Variants in CPSF2 observed in about 807,000 individuals in gnomAD.
CPSF2 encodes the protein cleavage and polyadenylation specificity factor subunit 2.
CPSF2 carries 51 observed loss-of-function variants against 84.2 expected under a neutral mutation model. That is an observed-to-expected ratio of 0.61 (90% confidence interval 0.48 to 0.77). The LOEUF (loss-of-function observed/expected upper bound fraction) is 0.77. Among genes scored for constraint, CPSF2 ranks in the 30% least tolerant of loss-of-function variants. CPSF2 has a pLI of 0.00. For synonymous variants in CPSF2, 286 were observed against 311.9 expected (o/e 0.92, Z 0.87); for missense variants, 641 against 929.4 (o/e 0.69, Z 4.03).
rs2069336235 is a variant in CPSF2 at position 92,159,270 on chromosome 14, G to A, written c.2109G>A (p.Leu703=). ...ESEIIPTLEP[L]PPHEVPGHQS... ...AGATCATTCCTACTTTGGAACCCTT[G>A]CCACCTCATGAGGTAAAAAAAGCAT... Residue 703 remains leucine (L), a synonymous_variant, in exon 14 of 16, where the codon TTG becomes TTA. Coordinates refer to ENST00000298875, the MANE Select transcript of CPSF2 (RefSeq NM_017437.3). The A allele has an allele frequency of 1.9e-6, 3 of 1,594,096 alleles. No individual in the cohort carries two copies. In the African/African-American group the frequency reaches 4.1e-5, roughly 22 times the overall value.
At chr14:92,147,310 A>G (rs910420067) in intron 9 of CPSF2, among the ~76,000 whole-genome samples, 1 of 152,234 alleles carries the variant, frequency 6.6e-6, no homozygotes, top group African/African-American at 2.4e-5. Context: ...ATGCCCTTCT[A>G]AGTCAAGTCT....
At chr14:92,137,826 A>G (rs1230131062) in intron 6 of CPSF2, among the ~76,000 whole-genome samples, 1 of 152,196 alleles carries the variant, frequency 6.6e-6, no homozygotes, top group African/African-American at 2.4e-5. Flanking sequence ...TTTAGAAAAA[A>G]ATTTTTATGT....
intron 3 of CPSF2, among the ~76,000 whole-genome samples, chr14:92,132,883 G>C (rs2068950938): frequency 6.6e-6 from 1 of 152,056 alleles, no homozygotes; most frequent in South Asian, 2.1e-4. Context: ...CTGAGGTCAG[G>C]AGTTTAAGAC....
Position 92,122,027 on chromosome 14 carries a change from C to G in CPSF2, c.-195C>G. ...TGTGGGGCTTCTGCCGGCCGGTAGT[C>G]CCTGGCGCTGCTGACCCAGCATCGG... On this transcript the variant is annotated 5_prime_UTR_variant, in exon 1 of 16. Coordinates refer to ENST00000298875, the MANE Select transcript of CPSF2 (RefSeq NM_017437.3). The G allele has an allele frequency of 5.0e-6, 3 of 601,444 alleles. No individual in the cohort carries two copies. The highest frequency in any genetic ancestry group is 8.8e-6 in the Non-Finnish European group (3 of 341,944). The allele number at this position is 601,444 out of a possible 1,614,324, so 37.3% of individuals were successfully genotyped here. A position where few individuals can be genotyped will look rare whatever the true frequency, so the allele number is the denominator to read the frequency against.
In CPSF2 at chr14:92,167,208, C is replaced by A. The variant is rs2141492237; in HGVS notation, c.*5464C>A. The A allele has an allele frequency of 6.6e-6, 1 of 151,890 alleles. No homozygotes were observed. Among genetic ancestry groups the A allele is most frequent in the Admixed American group, 6.6e-5 (1 of 15,246 alleles). 9.4% of individuals were successfully genotyped at this position (151,890 alleles called of 1,614,324 possible). A position where few individuals can be genotyped will look rare whatever the true frequency, so the allele number is the denominator to read the frequency against. ...TGTATTTTTAATAGAGATGAGGTTT[C>A]ATCATGCTGACCAGGCTGGTCTCGA... On this transcript the variant is annotated 3_prime_UTR_variant, in exon 16 of 16. Transcript: ENST00000298875.
rs1386859329 is a variant in CPSF2, at chr14:92,163,119, G to T, written c.*1375G>T. The T allele has an allele frequency of 6.6e-6, 1 of 152,114 alleles. No individual in the cohort carries two copies. The highest frequency in any genetic ancestry group is 1.9e-4 in the East Asian group (1 of 5,188). The allele number at this position is 152,114 out of a possible 1,614,324, so 9.4% of individuals were successfully genotyped here. A position where few individuals can be genotyped will look rare whatever the true frequency, so the allele number is the denominator to read the frequency against. Reference sequence around the variant, plus strand: ...GGGTTTCACCATGTTGGCCAGGCTGGTCTCAAACTCCTGACCTCAAGCGAT... The same window carrying T: ...GGGTTTCACCATGTTGGCCAGGCTGTTCTCAAACTCCTGACCTCAAGCGAT... On this transcript the variant is annotated 3_prime_UTR_variant, in exon 16 of 16. Coordinates refer to ENST00000298875, the MANE Select transcript of CPSF2 (RefSeq NM_017437.3).
chr14:92,159,406 ACC>A, intron 14 of CPSF2, 124 bp downstream of exon 14: 1 of 725,106 alleles, frequency 1.4e-6, no homozygotes, highest in Non-Finnish European at 2.3e-6. Context: ...TATATTTTTA[ACC>A]ATTTAAAATA....
chr14:92,157,591 C>T lies in CPSF2; in HGVS notation c.1596-68C>T, dbSNP rs1399705655. ...AAATCCTAGTGTTATATATTGTATA[C>T]ATGATAAAAGCCATTTTTTTTTAGA... On this transcript the variant is annotated intron_variant, in intron 12 of 15. Transcript: ENST00000298875. The surrounding 1 kb of genome is among the most constrained non-coding windows in gnomAD (Gnocchi z 4.0). 9 of 1,032,818 alleles carry T rather than the reference C, an allele frequency of 8.7e-6. No homozygotes were observed. The highest frequency in any genetic ancestry group is 1.3e-5 in the Non-Finnish European group (9 of 685,826). The allele number at this position is 1,032,818 out of a possible 1,614,324, so 64.0% of individuals were successfully genotyped here.
rs765533345 is a variant in CPSF2 at position 92,161,844 on chromosome 14, G to A, written c.*100G>A. ...TGTTTTGTTTTGTAACATACAAAAA[G>A]AATCTGCCAGAAAAACTTACATGTA... On this transcript the variant is annotated 3_prime_UTR_variant, in exon 16 of 16. Coordinates refer to ENST00000298875, the MANE Select transcript of CPSF2 (RefSeq NM_017437.3). 1 of 668,174 alleles carries A rather than the reference G, an allele frequency of 1.5e-6. No individual in the cohort carries two copies. The highest frequency in any genetic ancestry group is 2.0e-5 in the South Asian group (1 of 49,900). The allele number at this position is 668,174 out of a possible 1,614,324, so 41.4% of individuals were successfully genotyped here. A position where few individuals can be genotyped will look rare whatever the true frequency, so the allele number is the denominator to read the frequency against.
intron 9 of CPSF2, among the ~76,000 whole-genome samples, chr14:92,143,536 C>T (rs567479744): frequency 1.3e-5 from 2 of 150,400 alleles, no homozygotes; most frequent in African/African-American, 4.9e-5. Context: ...GACCCACCCC[C>T]CATCTCTTAA....
At chr14:92,138,947 G>C (rs1452144028) in intron 7 of CPSF2, among the ~76,000 whole-genome samples, 2 of 152,156 alleles carry the variant, frequency 1.3e-5, no homozygotes, top group Non-Finnish European at 2.9e-5. Context: ...AATATTATGT[G>C]ACCATCAGTT....
At chr14:92,149,724 C>T (rs759536943) in intron 9 of CPSF2, among the ~76,000 whole-genome samples, 3 of 151,932 alleles carry the variant, frequency 2.0e-5, no homozygotes, top group African/African-American at 7.3e-5. Context: ...GGTACGATCT[C>T]GGCTCACTGC....
intron 7 of CPSF2, among the ~76,000 whole-genome samples, chr14:92,141,383 G>A: frequency 6.6e-6 from 1 of 152,132 alleles, no homozygotes; most frequent in East Asian, 1.9e-4. Flanking sequence ...ACATGCTGGA[G>A]TGTAGTGGCA....
chr14:92,131,697 G>T (rs1214051682), intron 3 of CPSF2, among the ~76,000 whole-genome samples: 1 of 151,946 alleles, frequency 6.6e-6, no homozygotes, highest in Non-Finnish European at 1.5e-5. Context: ...AAATTAGCCG[G>T]GTGTGATGGT....
In CPSF2 at chr14:92,122,395, C is replaced by T. The variant is rs749303501; in HGVS notation, c.-94+267C>T. On this transcript the variant is annotated intron_variant, in intron 1 of 15. Transcript: ENST00000298875. ...ATCTTCTTCCCTCCTTTCTGCTTCCCTCTGCTTCCCCTTTCATCTCTTGGC... is the reference window on the plus strand; with the variant it reads ...ATCTTCTTCCCTCCTTTCTGCTTCCTTCTGCTTCCCCTTTCATCTCTTGGC... 3.7e-5 allele frequency: 6 copies of T among 160,160 alleles called. No homozygotes were observed. In the South Asian group the frequency reaches 6.3e-4, roughly 17 times the overall value. 9.9% of individuals were successfully genotyped at this position (160,160 alleles called of 1,614,324 possible).
intron 7 of CPSF2, among the ~76,000 whole-genome samples, chr14:92,139,713 AT>A (rs2069049763): frequency 1.3e-5 from 2 of 150,058 alleles, no homozygotes; most frequent in Admixed American, 1.3e-4. Context: ...TAATTTTTAT[AT>A]TTTTAGTGGA....
rs2068773913 is a variant in CPSF2 at position 92,122,015 on chromosome 14, C to A, written c.-207C>A. 5 of 622,268 alleles carry A rather than the reference C, an allele frequency of 8.0e-6. No individual in the cohort carries two copies. The highest frequency in any genetic ancestry group is 1.4e-5 in the Non-Finnish European group (5 of 356,748). The allele number at this position is 622,268 out of a possible 1,614,324, so 38.5% of individuals were successfully genotyped here. A position where few individuals can be genotyped will look rare whatever the true frequency, so the allele number is the denominator to read the frequency against. On this transcript the variant is annotated 5_prime_UTR_variant, in exon 1 of 16. Coordinates refer to ENST00000298875, the MANE Select transcript of CPSF2 (RefSeq NM_017437.3). ...GGCGGCTGCCACTGTGGGGCTTCTG[C>A]CGGCCGGTAGTCCCTGGCGCTGCTG...
rs868390539 is a variant in CPSF2, at chr14:92,164,795, A to G, written c.*3051A>G. 1 of 152,224 alleles carries G rather than the reference A, an allele frequency of 6.6e-6. No individual in the cohort carries two copies. The highest frequency in any genetic ancestry group is 1.5e-5 in the Non-Finnish European group (1 of 68,036). 9.4% of individuals were successfully genotyped at this position (152,224 alleles called of 1,614,324 possible). The stretch of plus-strand genomic sequence containing the variant: ...AATTGAGATTCAACTTACATACCAT[A>G]AAGTTCACTCTTCTAAAGTGTACAA... On this transcript the variant is annotated 3_prime_UTR_variant, in exon 16 of 16. Transcript: ENST00000298875.
intron 11 of CPSF2, 26 bp downstream of exon 11, chr14:92,155,349 C>A: frequency 6.4e-7 from 1 of 1,563,136 alleles, no homozygotes; most frequent in South Asian, 1.1e-5. Context: ...AAACTTTTCT[C>A]TCTTACAAAT....
Sources: gnomAD v4.1 joint callset for allele counts (sites outside exome capture counted in the v4.1 genomes callset) on GRCh38, gnomAD v4.1.1 for gene constraint, Gnocchi (gnomAD v3.1) non-coding constraint, MANE v1.5 for transcripts, NCBI Gene and HGNC (gene_info 2026-07-23, HGNC 2026-07-21) for gene names.